SHB: variants seen among roughly 807,000 people sequenced by gnomAD.
The protein encoded by SHB is SH2 domain-containing adapter protein B.
Under a neutral mutation model 52.3 loss-of-function variants are expected in SHB, and 20 were observed. The ratio of observed to expected loss-of-function variants is 0.38; its 90% CI spans 0.27 to 0.56. The LOEUF is 0.56. SHB is among the 20% of genes least tolerant of loss of function. SHB has a pLI of 0.71. For missense variants in SHB, 825 were observed against 723.3 expected, an observed-to-expected ratio of 1.14 and a Z score of -1.61; for synonymous variants, 397 against 316.5, an observed-to-expected ratio of 1.25 and a Z score of -2.70.
chr9:37,974,485 T>C, intron 3 of SHB, 137 bp downstream of exon 3: 1 of 709,090 alleles, frequency 1.4e-6, no homozygotes. Context: ...CCTACATCTG[T>C]GAGGGTACTG....
chr9:37,975,298 G>A (rs1409854721), intron 2 of SHB, among the ~76,000 whole-genome samples: 1 of 152,178 alleles, frequency 6.6e-6, no homozygotes, highest in African/African-American at 2.4e-5. Context: ...GTTCCCACCA[G>A]CTCACACATT....
At chr9:38,055,591 G>A (rs1452866160) in intron 1 of SHB, among the ~76,000 whole-genome samples, 2 of 152,092 alleles carry the variant, frequency 1.3e-5, no homozygotes. Context: ...TCGCCCAAAT[G>A]CTTCTCTTGT....
chr9:38,068,713 G>C lies in SHB; in HGVS notation c.-68C>G. On this transcript the variant is annotated 5_prime_UTR_variant, in exon 1 of 6. Transcript: ENST00000377707. ...CCGCCGCGGCCATTCGGGGGGCAGCGCTGCGGCGCAGGTCCCTCGGCGCCC... is the reference window on the plus strand; with the variant it reads ...CCGCCGCGGCCATTCGGGGGGCAGCCCTGCGGCGCAGGTCCCTCGGCGCCC... 1 of 1,154,044 alleles carries C rather than the reference G, an allele frequency of 8.7e-7. No individual in the cohort carries two copies. Among genetic ancestry groups the C allele is most frequent in the Non-Finnish European group, 1.1e-6 (1 of 929,436 alleles). The allele number at this position is 1,154,044 out of a possible 1,614,324, so 71.5% of individuals were successfully genotyped here. A position where few individuals can be genotyped will look rare whatever the true frequency, so the allele number is the denominator to read the frequency against.
chr9:38,060,440 G>C (rs1438343337), intron 1 of SHB, among the ~76,000 whole-genome samples: 1 of 151,666 alleles, frequency 6.6e-6, no homozygotes. Context: ...CAATGTGCTG[G>C]GATTACAGGA....
chr9:37,950,979 G>T (rs941028619), intron 4 of SHB, among the ~76,000 whole-genome samples: 10 of 152,182 alleles, frequency 6.6e-5, no homozygotes, highest in Non-Finnish European at 1.5e-4. Context: ...TGCAAACCGT[G>T]CCTCTGAGAG....
At chr9:37,936,778 CAAACTGG>C (rs1436143203) in intron 5 of SHB, 1 of 152,172 alleles carries the variant, frequency 6.6e-6, no homozygotes, top group Admixed American at 6.5e-5. Context: ...TTATGCACCT[CAAACTGG>C]AAACAAAAAC....
At chr9:37,974,435 G>T (rs898568153) in intron 3 of SHB, among the ~76,000 whole-genome samples, 187 bp downstream of exon 3, 5 of 152,188 alleles carry the variant, frequency 3.3e-5, no homozygotes, top group African/African-American at 1.2e-4. Context: ...TTTCTCCTCG[G>T]CCTGGTTTCC....
rs1220789486 is a variant in SHB at position 38,068,244 on chromosome 9, C to T, written c.402G>A (p.Ser134=). Residue 134 remains serine (S), a synonymous_variant, in exon 1 of 6, where the codon TCG becomes TCA. Transcript: ENST00000377707. ...AGGCGCAGCAACAGCCCGCGGCGCC[C>T]GACGCGGACGAGGCCGAGAAGGCGC... ...VQRAFSASSA[S]GAAGCCCASS... 2 of 1,402,484 alleles carry T rather than the reference C, an allele frequency of 1.4e-6. No homozygotes were observed. The highest frequency in any genetic ancestry group is 3.2e-5 in the South Asian group (2 of 63,222). The allele number at this position is 1,402,484 out of a possible 1,614,324, so 86.9% of individuals were successfully genotyped here.
intron 1 of SHB, among the ~76,000 whole-genome samples, chr9:38,045,328 C>T (rs1049235201): frequency 9.2e-5 from 14 of 152,130 alleles, no homozygotes; most frequent in South Asian, 2.1e-4. Flanking sequence ...CGACCAGGTG[C>T]GGTGGCTCAC....
chr9:37,985,043 C>G (rs991187990), intron 2 of SHB, among the ~76,000 whole-genome samples: 1 of 152,210 alleles, frequency 6.6e-6, no homozygotes, highest in Admixed American at 6.5e-5. Context: ...AGCCAGGAGA[C>G]TGACTAATTG....
intron 4 of SHB, among the ~76,000 whole-genome samples, chr9:37,949,117 A>G (rs1387447600): frequency 6.6e-6 from 1 of 152,142 alleles, no homozygotes; most frequent in Admixed American, 6.5e-5. Flanking sequence ...AAGCCTTCTC[A>G]AGGTGAGGTG....
chr9:38,068,325 G>T lies in SHB; in HGVS notation c.321C>A (p.Arg107=), dbSNP rs1822003054. ...NGPGSSLRKL[R]AMCRLDYCGG... Reference sequence around the variant, plus strand: ...CGCAGTAGTCCAGGCGGCACATGGCGCGCAGTTTGCGCAGCGACGAGCCAG... The same window carrying T: ...CGCAGTAGTCCAGGCGGCACATGGCTCGCAGTTTGCGCAGCGACGAGCCAG... Residue 107 remains arginine (R), a synonymous_variant, in exon 1 of 6, where the codon CGC becomes CGA. Coordinates refer to ENST00000377707, the MANE Select transcript of SHB (RefSeq NM_003028.3). 2.0e-6 allele frequency: 3 copies of T among 1,534,494 alleles called. No homozygotes were observed. The highest frequency in any genetic ancestry group is 2.0e-5 in the Admixed American group (1 of 50,160).
At chr9:38,039,668 A>G (rs1009880506) in intron 1 of SHB, among the ~76,000 whole-genome samples, 2 of 152,274 alleles carry the variant, frequency 1.3e-5, no homozygotes, top group Non-Finnish European at 2.9e-5. Context: ...CAAGGGCAGT[A>G]AAACACGTAG....
At chr9:38,060,581 G>A (rs1201289668) in intron 1 of SHB, among the ~76,000 whole-genome samples, 1 of 152,248 alleles carries the variant, frequency 6.6e-6, no homozygotes, top group Non-Finnish European at 1.5e-5. Context: ...TCAAAGGACT[G>A]TAGTGAGGAG....
At chr9:37,972,713 G>A (rs1820606042) in intron 3 of SHB, among the ~76,000 whole-genome samples, 1 of 152,170 alleles carries the variant, frequency 6.6e-6, no homozygotes, top group East Asian at 1.9e-4. Flanking sequence ...GCAGGGAAGG[G>A]CATTTTAGCT....
intron 1 of SHB, among the ~76,000 whole-genome samples, chr9:38,049,196 T>G (rs564535124): frequency 6.6e-6 from 1 of 152,330 alleles, no homozygotes; most frequent in African/African-American, 2.4e-5. Flanking sequence ...AATTTTTAAA[T>G]TTATTTTGTA....
chr9:37,959,109 CGG>C (rs776715990), intron 3 of SHB, among the ~76,000 whole-genome samples: 3 of 152,100 alleles, frequency 2.0e-5, no homozygotes, highest in Non-Finnish European at 4.4e-5. Context: ...ATCCTGAAGA[CGG>C]GAAGACCAGT....
chr9:37,971,174 G>A (rs114156557), intron 3 of SHB, among the ~76,000 whole-genome samples: 2 of 152,182 alleles, frequency 1.3e-5, no homozygotes, highest in African/African-American at 2.4e-5. Flanking sequence ...CCACACCAAC[G>A]ACTCGCTCAA....
chr9:38,030,978 G>A (rs1821405167), intron 1 of SHB, among the ~76,000 whole-genome samples: 2 of 151,814 alleles, frequency 1.3e-5, no homozygotes, highest in Non-Finnish European at 1.5e-5. Context: ...GGAAAGACAA[G>A]ATCACGCACA....
Sources: allele counts gnomAD v4.1 joint callset (sites outside exome capture counted in the v4.1 genomes callset), GRCh38; gene constraint gnomAD v4.1.1; transcripts MANE v1.5; gene names NCBI Gene and HGNC (gene_info 2026-07-23, HGNC 2026-07-21).